Variants in RHBDF2 observed in about 807,000 individuals in gnomAD.
The protein encoded by RHBDF2 is inactive rhomboid protein 2.
A neutral mutation model predicts 95.2 loss-of-function variants in RHBDF2; 38 were observed. The observed-to-expected ratio is 0.40, with a 90% CI of 0.31 to 0.52. The LOEUF (loss-of-function observed/expected upper bound fraction) is 0.52, where lower values mean the gene tolerates loss of function less well. RHBDF2 is among the 20% of genes least tolerant of loss of function. RHBDF2 has a pLI of 0.56. For missense variants in RHBDF2, 863 were observed against 1,137.7 expected (o/e 0.76, Z 3.47); for synonymous variants, 442 against 462.0 (o/e 0.96, Z 0.55).
chr17:76,474,631 A>AG, intron 11 of RHBDF2, 97 bp from the exon 12 acceptor site: 3 of 1,611,622 alleles, frequency 1.9e-6, no homozygotes, highest in Middle Eastern at 1.7e-4. Context: ...TCCCCTGATG[A>AG]GGGGCCTGCG....
At chr17:76,492,237 T>G (rs1598165047) in intron 1 of RHBDF2, among the ~76,000 whole-genome samples, 1 of 151,980 alleles carries the variant, frequency 6.6e-6, no homozygotes, top group East Asian at 1.9e-4. Flanking sequence ...AGTGCAGAGT[T>G]CAGATCACCC....
intron 2 of RHBDF2, among the ~76,000 whole-genome samples, chr17:76,486,077 T>TACAC (rs57942849): frequency 0.16 from 23,801 of 144,546 alleles, 2,261 homozygotes; most frequent in East Asian, 0.36. Context: ...TATATATATG[T>TACAC]ACACACACAC....
chr17:76,473,787 C>A, intron 14 of RHBDF2, 45 bp from the exon 15 acceptor site: 1 of 1,611,594 alleles, frequency 6.2e-7, no homozygotes, highest in Non-Finnish European at 8.5e-7. Flanking sequence ...GTGCAGCAGG[C>A]AGGTCCCCCA....
intron 1 of RHBDF2, among the ~76,000 whole-genome samples, chr17:76,499,572 C>A (rs377671643): frequency 1.2e-4 from 18 of 152,316 alleles, no homozygotes; most frequent in Admixed American, 3.3e-4. Flanking sequence ...GTCAGCTAAC[C>A]CAGGGTGCCC....
chr17:76,497,496 G>A (rs1017269512), intron 1 of RHBDF2, among the ~76,000 whole-genome samples: 1 of 152,196 alleles, frequency 6.6e-6, no homozygotes, highest in Non-Finnish European at 1.5e-5. Context: ...CTCCATATGC[G>A]TGTTCCCATC....
At chr17:76,498,800 G>GA (rs1214339655) in intron 1 of RHBDF2, among the ~76,000 whole-genome samples, 1 of 148,706 alleles carries the variant, frequency 6.7e-6, no homozygotes, top group African/African-American at 2.6e-5. Context: ...GTGTGTGTGT[G>GA]TGTGTGTGTG....
chr17:76,486,403 C>A (rs2074131254), intron 2 of RHBDF2, among the ~76,000 whole-genome samples: 1 of 152,158 alleles, frequency 6.6e-6, no homozygotes, highest in Non-Finnish European at 1.5e-5. Flanking sequence ...CTGTGCCCAG[C>A]CTCTGTGAAT....
At position 76,476,840 on chromosome 17, in the gene RHBDF2, C is replaced by T. The variant is rs961453474; in HGVS notation, c.1105G>A (p.Asp369Asn). The part of the protein sequence containing the change: ...STVQRQLESF[D>N]SHRPYFTYWL... ...AGGGCGACACCTCACCGGTGGCTGT[C>T]GAAGCTCTCCAGCTGCCGCTGCACA... is the stretch of plus-strand genomic sequence containing the variant. Residue 369 changes from aspartate to asparagine, a missense_variant, in exon 9 of 19, where the codon GAC becomes AAC. This residue lies in a region of RHBDF2 where 611 missense variants were observed against 725.5 expected (regional missense o/e 0.84). Transcript: ENST00000675367. 19 of 1,603,910 alleles carry T rather than the reference C, an allele frequency of 1.2e-5. No homozygotes were observed. Among genetic ancestry groups the T allele is most frequent in the East Asian group, 4.5e-5 (2 of 44,624 alleles).
intron 1 of RHBDF2, among the ~76,000 whole-genome samples, chr17:76,500,445 G>A (rs1363381297): frequency 6.6e-6 from 1 of 152,160 alleles, no homozygotes; most frequent in African/African-American, 2.4e-5. Flanking sequence ...TAAGGCAGAT[G>A]CTGGTCTCAT....
chr17:76,481,973 AC>A (rs2073982781), intron 2 of RHBDF2: 1 of 100,394 alleles, frequency 1.0e-5, no homozygotes, highest in Admixed American at 9.5e-5. Flanking sequence ...ACACACACAC[AC>A]ACACACACAC....
chr17:76,475,587 C>CT lies in RHBDF2; in HGVS notation c.1116-447dup, dbSNP rs1052462865. Among the ~76,000 whole-genome samples, 836 of 144,972 alleles carry CT rather than the reference C, an allele frequency of 5.8e-3. 7 individuals carry two copies. The highest frequency in any genetic ancestry group is 0.015 in the African/African-American group (601 of 39,626). On this transcript the variant is annotated intron_variant, in intron 9 of 18. Coordinates refer to ENST00000675367, the MANE Select transcript of RHBDF2 (RefSeq NM_001005498.4). ...CTATCATTGCTTGTTCTTTTCTTTT[C>CT]TTTTTTTTTTTTTGAGACAGAGTCT...
intron 3 of RHBDF2, among the ~76,000 whole-genome samples, 156 bp downstream of exon 3, chr17:76,481,219 A>C (rs1320827263): frequency 6.6e-6 from 1 of 152,188 alleles, no homozygotes; most frequent in African/African-American, 2.4e-5. Flanking sequence ...TTTCGGGCCC[A>C]GGAAGGAGGG....
Position 76,481,430 on chromosome 17 carries a change from G to C in RHBDF2, c.95C>G (p.Pro32Arg), listed in dbSNP as rs767534962. ...GGCCTGGGTCTCTTTCTCGGGTGGC[G>C]GGATGGTGATGGAGAGGTTGGGTGG... ...RKPPNLSITI[P>R]PPEKETQAPG... The change falls in exon 3 of 19, where the codon CCG (proline) becomes CGG (arginine). Residue 32 changes from proline (P) to arginine (R), a missense_variant. Physicochemically the swap from Pro to Arg is moderately radical, Grantham distance 103 (BLOSUM62 -2). Coordinates refer to ENST00000675367, the MANE Select transcript of RHBDF2 (RefSeq NM_001005498.4). The C allele has an allele frequency of 6.2e-7, 1 of 1,612,882 alleles. No individual in the cohort carries two copies. Among genetic ancestry groups the C allele is most frequent in the Non-Finnish European group, 8.5e-7 (1 of 1,180,012 alleles).
At chr17:76,481,952 A>AACACACACACACACACACACACACACAC (rs563875703) in intron 2 of RHBDF2, 1 of 129,330 alleles carries the variant, frequency 7.7e-6, no homozygotes, top group African/African-American at 3.5e-5. Flanking sequence ...TCTGTCTGAA[A>AACACACACACACACACACACACACACAC]ACACACACAC....
chr17:76,477,235 G>A lies in RHBDF2; in HGVS notation c.865C>T (p.Arg289Ter), dbSNP rs574746281. The change falls in exon 8 of 19, where the codon CGA becomes TGA. Residue 289 changes from arginine (R) to a stop codon, truncating the protein, a stop_gained. Transcript: ENST00000675367. LOFTEE classifies it high-confidence loss of function. ...ESPPLSASYF[R>*]GIPHSASPVS... ...GGGGAGGCTGAGTGTGGGATCCCTC[G>A]GAAGTAGCTGGCAGAGAGTGGGGGG... The A allele has an allele frequency of 4.4e-6, 7 of 1,608,538 alleles. No individual in the cohort carries two copies. Among genetic ancestry groups the A allele is most frequent in the South Asian group, 2.2e-5 (2 of 90,346 alleles).
At position 76,471,788 on chromosome 17, in the gene RHBDF2, G is replaced by A. The variant is rs552032358; in HGVS notation, c.2329C>T (p.Leu777=). 1.2e-6 allele frequency: 2 copies of A among 1,607,728 alleles called. No individual in the cohort carries two copies. Among genetic ancestry groups the A allele is most frequent in the Non-Finnish European group, 1.7e-6 (2 of 1,177,116 alleles). The change falls in exon 19 of 19, where the codon CTG becomes TTG. Residue 777 remains leucine, a synonymous_variant. Transcript: ENST00000675367. Reference sequence around the variant, plus strand: ...CCGGCAAAGGCCAGCAGTGACACCAGGATGAGTGCCCGCTTGCGGTACTTG... The same window carrying A: ...CCGGCAAAGGCCAGCAGTGACACCAAGATGAGTGCCCGCTTGCGGTACTTG... The part of the protein sequence containing the change: ...SDKYRKRALI[L]VSLLAFAGLF...
intron 1 of RHBDF2, among the ~76,000 whole-genome samples, chr17:76,493,542 C>T (rs188675568): frequency 1.1e-3 from 166 of 152,230 alleles, no homozygotes; most frequent in Middle Eastern, 3.4e-3. Flanking sequence ...AGAGGCAAAA[C>T]AGAAGGGCAG....
chr17:76,472,575 C>T, intron 18 of RHBDF2, 111 bp downstream of exon 18: 1 of 1,397,810 alleles, frequency 7.2e-7, no homozygotes, highest in East Asian at 2.3e-5. Flanking sequence ...CGCTGTGGAG[C>T]CCAGTACAGG....
intron 1 of RHBDF2, among the ~76,000 whole-genome samples, chr17:76,490,808 T>C (rs2074276376): frequency 6.6e-6 from 1 of 152,180 alleles, no homozygotes; most frequent in South Asian, 2.1e-4. Context: ...GGCTCCACCT[T>C]GCCTGCCTGG....
Sources: gnomAD v4.1 joint callset for allele counts (sites outside exome capture counted in the v4.1 genomes callset) on GRCh38, gnomAD v4.1.1 for gene constraint, gnomAD v4.1.1 regional missense constraint, MANE v1.5 for transcripts, NCBI Gene and HGNC (gene_info 2026-07-23, HGNC 2026-07-21) for gene names.